SIPA1L1: variants seen among roughly 807,000 people sequenced by gnomAD.
SIPA1L1 encodes signal-induced proliferation-associated 1-like protein 1.
In SIPA1L1, 26 loss-of-function variants were observed where a neutral mutation model predicts 162.7. The ratio of observed to expected loss-of-function variants is 0.16; its 90% confidence interval spans 0.12 to 0.22. SIPA1L1 has a LOEUF of 0.22. Ranked by LOEUF, SIPA1L1 falls within the 10% of genes least tolerant of loss-of-function variation. SIPA1L1 has a pLI of 1.00. For synonymous variants in SIPA1L1, 829 were observed against 837.4 expected (o/e 0.99, Z 0.17); for missense variants, 1,874 against 2,241.0 (o/e 0.84, Z 3.31).
intron 2 of SIPA1L1, among the ~76,000 whole-genome samples, chr14:71,429,580 G>T (rs2043832787): frequency 6.6e-6 from 1 of 151,958 alleles, no homozygotes; most frequent in South Asian, 2.1e-4. Context: ...AAACAAGGCT[G>T]CAGGCAACAT....
At chr14:71,643,447 A>G (rs542422605) in intron 7 of SIPA1L1, among the ~76,000 whole-genome samples, 18 of 152,330 alleles carry the variant, frequency 1.2e-4, no homozygotes, top group African/African-American at 2.4e-5. Flanking sequence ...TGTGTTTACC[A>G]CATTACAATC....
At chr14:71,523,614 G>A (rs2052575837) in intron 3 of SIPA1L1, among the ~76,000 whole-genome samples, 2 of 152,130 alleles carry the variant, frequency 1.3e-5, no homozygotes, top group Non-Finnish European at 2.9e-5. Context: ...ATTACAGTTA[G>A]TTATGTTTCC....
At chr14:71,646,886 G>A (rs536127247) in intron 7 of SIPA1L1, among the ~76,000 whole-genome samples, 6 of 152,270 alleles carry the variant, frequency 3.9e-5, no homozygotes, top group East Asian at 1.9e-4. Flanking sequence ...AGGTATGTTT[G>A]TGTGTTTCTG....
intron 13 of SIPA1L1, among the ~76,000 whole-genome samples, chr14:71,697,593 A>G (rs1382690353): frequency 6.6e-6 from 1 of 152,196 alleles, no homozygotes; most frequent in East Asian, 1.9e-4. Flanking sequence ...TCTGATTTGG[A>G]TTGCTGGTGA....
At chr14:71,381,242 C>T (rs964609651) in intron 2 of SIPA1L1, among the ~76,000 whole-genome samples, 2 of 151,956 alleles carry the variant, frequency 1.3e-5, no homozygotes, top group African/African-American at 2.4e-5. Context: ...TCAGTAGAGA[C>T]GGGGTTTCAC....
intron 10 of SIPA1L1, among the ~76,000 whole-genome samples, chr14:71,667,551 C>G (rs1355441145): frequency 6.6e-6 from 1 of 152,188 alleles, no homozygotes; most frequent in East Asian, 1.9e-4. Flanking sequence ...TTTGATCTTT[C>G]CTGTCCTTTG....
intron 2 of SIPA1L1, among the ~76,000 whole-genome samples, chr14:71,441,874 G>T (rs1302814347): frequency 6.6e-6 from 1 of 151,982 alleles, no homozygotes; most frequent in Admixed American, 6.6e-5. Flanking sequence ...TAGATCAGGA[G>T]TAACTTAAAA....
At chr14:71,389,207 C>A (rs892296242) in intron 2 of SIPA1L1, among the ~76,000 whole-genome samples, 6 of 152,114 alleles carry the variant, frequency 3.9e-5, no homozygotes, top group African/African-American at 9.7e-5. Context: ...GGGAAACAGA[C>A]CCCTAGGAGA....
chr14:71,348,072 GA>G (rs979929119), intron 2 of SIPA1L1, among the ~76,000 whole-genome samples: 1 of 151,956 alleles, frequency 6.6e-6, no homozygotes, highest in Non-Finnish European at 1.5e-5. Context: ...TGGCTTGCAG[GA>G]AAAAAATTTG....
intron 2 of SIPA1L1, among the ~76,000 whole-genome samples, chr14:71,450,246 A>G (rs1054051895): frequency 6.6e-6 from 1 of 152,132 alleles, no homozygotes; most frequent in Non-Finnish European, 1.5e-5. Flanking sequence ...TCATATTTCT[A>G]TTTGGAGGGC....
At chr14:71,547,643 AAAT>A (rs1213922940) in intron 4 of SIPA1L1, among the ~76,000 whole-genome samples, 1 of 152,120 alleles carries the variant, frequency 6.6e-6, no homozygotes, top group African/African-American at 2.4e-5. Flanking sequence ...TATTTTGTTC[AAAT>A]AATAATTATT....
At chr14:71,684,557 C>T (rs974488490) in intron 12 of SIPA1L1, among the ~76,000 whole-genome samples, 2 of 152,250 alleles carry the variant, frequency 1.3e-5, no homozygotes, top group Non-Finnish European at 2.9e-5. Flanking sequence ...GCTCGTACAC[C>T]CTTTCGGAGC....
intron 2 of SIPA1L1, among the ~76,000 whole-genome samples, chr14:71,511,560 A>G (rs992950294): frequency 1.2e-4 from 18 of 151,970 alleles, no homozygotes; most frequent in African/African-American, 4.1e-4. Context: ...AAGTGTTGGG[A>G]TTGCAGGCAT....
chr14:71,682,826 T>C (rs1483323159), intron 12 of SIPA1L1, among the ~76,000 whole-genome samples: 1 of 152,244 alleles, frequency 6.6e-6, no homozygotes, highest in African/African-American at 2.4e-5. Flanking sequence ...TTTTATTATC[T>C]GCCTGATGCA....
intron 2 of SIPA1L1, among the ~76,000 whole-genome samples, chr14:71,438,539 C>G (rs2044587432): frequency 6.6e-6 from 1 of 152,332 alleles, no homozygotes; most frequent in South Asian, 2.1e-4. Flanking sequence ...GCAGTCTTTA[C>G]TTTCATTCCA....
chr14:71,457,835 G>A (rs1162760824), intron 2 of SIPA1L1, among the ~76,000 whole-genome samples: 2 of 151,960 alleles, frequency 1.3e-5, no homozygotes, highest in African/African-American at 4.8e-5. Flanking sequence ...GACCTCAGGT[G>A]GTCTGCCTGC....
chr14:71,343,665 C>G (rs2035878301), intron 2 of SIPA1L1, among the ~76,000 whole-genome samples: 1 of 152,058 alleles, frequency 6.6e-6, no homozygotes, highest in Non-Finnish European at 1.5e-5. Context: ...GAACAGAGCT[C>G]TGTCCAGTAA....
At chr14:71,522,989 G>A (rs2052512288) in intron 3 of SIPA1L1, among the ~76,000 whole-genome samples, 2 of 152,170 alleles carry the variant, frequency 1.3e-5, no homozygotes, top group South Asian at 2.1e-4. Flanking sequence ...TCTCTTTTAA[G>A]GTTTGCATTT....
intron 5 of SIPA1L1, among the ~76,000 whole-genome samples, chr14:71,612,407 G>T (rs996129802): frequency 1.3e-5 from 2 of 152,092 alleles, no homozygotes; most frequent in South Asian, 4.1e-4. Context: ...TATTTGCTTT[G>T]TGTTTCTTTG....
Sources: gnomAD v4.1 joint callset for allele counts (sites outside exome capture counted in the v4.1 genomes callset) on GRCh38, gnomAD v4.1.1 for gene constraint, MANE v1.5 for transcripts, NCBI Gene and HGNC (gene_info 2026-07-23, HGNC 2026-07-21) for gene names.